LINGO2: variants seen among roughly 807,000 people sequenced by gnomAD.
LINGO2 encodes leucine rich repeat and Ig domain containing 2.
In LINGO2, 14 loss-of-function variants were observed where a neutral mutation model predicts 30.6. The observed-to-expected ratio is 0.46, with a 90% CI of 0.30 to 0.72. LINGO2 has a LOEUF of 0.72. Among genes scored for constraint, LINGO2 ranks in the 30% least tolerant of loss-of-function variants. The pLI is 0.07. For synonymous variants in LINGO2, 317 were observed against 288.5 expected (o/e 1.10, Z -1.00); for missense variants, 729 against 751.7 (o/e 0.97, Z 0.35).
At chr9:28,213,003 T>C (rs537429520) in intron 4 of LINGO2, among the ~76,000 whole-genome samples, 159 of 151,536 alleles carry the variant, frequency 1.0e-3, no homozygotes, top group Non-Finnish European at 2.1e-3. Context: ...GCAGACCAAA[T>C]ATACAGAGAA....
At chr9:28,869,534 G>A in the LINGO2 span, among the ~76,000 whole-genome samples, 1 of 151,934 alleles carries the variant, frequency 6.6e-6, no homozygotes, top group African/African-American at 2.4e-5. Context: ...GGAACTACAT[G>A]TTAAATTATG....
the LINGO2 span, among the ~76,000 whole-genome samples, chr9:28,977,043 C>T: frequency 6.6e-6 from 1 of 152,124 alleles, no homozygotes; most frequent in Non-Finnish European, 1.5e-5. Context: ...GAAAATTTTA[C>T]TAAGGTCACC....
chr9:28,204,674 T>C (rs563660551), intron 4 of LINGO2, among the ~76,000 whole-genome samples: 43 of 152,272 alleles, frequency 2.8e-4, no homozygotes, highest in African/African-American at 1.0e-3. Flanking sequence ...AGTTACTTAC[T>C]TAAAATGCAA....
chr9:28,001,949 C>T (rs1226092541), intron 5 of LINGO2, among the ~76,000 whole-genome samples: 2 of 152,190 alleles, frequency 1.3e-5, no homozygotes, highest in African/African-American at 4.8e-5. Context: ...ACTTGCCACA[C>T]CACACAGTTG....
In LINGO2 at chr9:28,610,644, A is replaced by G. The variant is rs530943510; in HGVS notation, c.-365+59556T>C. Among the ~76,000 whole-genome samples the G allele has an allele frequency of 4.7e-4, 71 of 152,336 alleles. 1 individual carries two copies. The East Asian group carries it at 0.012, about 26-fold the overall frequency. ...GATTTCAACAGACACTGAAACTGCC[A>G]GTTCCTTGATCTTAAGACTTCCCAT... On this transcript the variant is annotated intron_variant, in intron 1 of 5. Coordinates refer to ENST00000379992, the Ensembl canonical transcript of LINGO2.
At chr9:29,199,984 A>T in the LINGO2 span, among the ~76,000 whole-genome samples, 1 of 152,124 alleles carries the variant, frequency 6.6e-6, no homozygotes, top group African/African-American at 2.4e-5. Context: ...GAAAACTATC[A>T]GAATGCCTTA....
At chr9:28,940,446 G>A in the LINGO2 span, among the ~76,000 whole-genome samples, 1 of 143,160 alleles carries the variant, frequency 7.0e-6, no homozygotes, top group Non-Finnish European at 1.5e-5. Flanking sequence ...ACTTAAATGA[G>A]AGCTGTCCAT....
At chr9:28,729,692 AG>A in the LINGO2 span, among the ~76,000 whole-genome samples, 1 of 152,070 alleles carries the variant, frequency 6.6e-6, no homozygotes, top group African/African-American at 2.4e-5. Context: ...GATAAACAGA[AG>A]GAAATCAGGA....
the LINGO2 span, among the ~76,000 whole-genome samples, chr9:29,071,154 TTATTGTATTGTATTG>T: frequency 1.1e-3 from 156 of 137,776 alleles, 2 homozygotes; most frequent in East Asian, 0.025. Context: ...TCACAGAGAA[TTATTGTATTGTATTG>T]TATTGTATTG....
the LINGO2 span, among the ~76,000 whole-genome samples, chr9:29,148,333 A>T: frequency 6.6e-6 from 1 of 152,278 alleles, no homozygotes; most frequent in South Asian, 2.1e-4. Flanking sequence ...TCTGATCGCC[A>T]AAGCATTTCT....
chr9:28,449,408 C>T (rs2135062280), intron 2 of LINGO2, among the ~76,000 whole-genome samples: 1 of 152,076 alleles, frequency 6.6e-6, no homozygotes, highest in Non-Finnish European at 1.5e-5. Context: ...TGATTATGAG[C>T]AATGTTTAAA....
intron 4 of LINGO2, among the ~76,000 whole-genome samples, chr9:28,219,623 T>A (rs1230050032): frequency 6.6e-6 from 1 of 152,180 alleles, no homozygotes; most frequent in East Asian, 1.9e-4. Flanking sequence ...TTAACTTCTT[T>A]CACAAAGCTA....
intron 5 of LINGO2, among the ~76,000 whole-genome samples, chr9:27,989,069 C>G (rs1352458183): frequency 1.3e-5 from 2 of 151,922 alleles, no homozygotes; most frequent in Admixed American, 6.6e-5. Context: ...TCAGAGCAGT[C>G]AGTTCGCCCA....
chr9:28,973,281 CA>C, the LINGO2 span, among the ~76,000 whole-genome samples: 8 of 152,234 alleles, frequency 5.3e-5, no homozygotes, highest in Admixed American at 2.6e-4. Flanking sequence ...ATCCTAAAAA[CA>C]GCAAGAGAAA....
At chr9:28,868,202 C>T in the LINGO2 span, among the ~76,000 whole-genome samples, 3 of 152,054 alleles carry the variant, frequency 2.0e-5, no homozygotes, top group Non-Finnish European at 4.4e-5. Flanking sequence ...ACTTATTTGC[C>T]TTCAGCTGAA....
In LINGO2 at chr9:28,363,262, G is replaced by C. The variant is rs73645654; in HGVS notation, c.-246+9574C>G. ...CTGCTTACTCTCAGATCAATGATAA[G>C]TGAAACAGCCATGACATATACACAT... On this transcript the variant is annotated intron_variant, in intron 3 of 5. Transcript: ENST00000379992. 9.5e-3 allele frequency among the ~76,000 whole-genome samples: 1,443 copies of C among 152,274 alleles called. 19 individuals carry two copies. Among genetic ancestry groups the C allele is most frequent in the African/African-American group, 0.033 (1,355 of 41,550 alleles).
the LINGO2 span, among the ~76,000 whole-genome samples, chr9:29,091,647 G>C: frequency 6.6e-6 from 1 of 152,036 alleles, no homozygotes; most frequent in East Asian, 1.9e-4. Flanking sequence ...TACTTTACTG[G>C]AATTGGATAA....
At chr9:29,051,979 T>C in the LINGO2 span, among the ~76,000 whole-genome samples, 1 of 152,198 alleles carries the variant, frequency 6.6e-6, no homozygotes, top group African/African-American at 2.4e-5. Context: ...TGTGTGAATA[T>C]ATAATTCTAC....
intron 4 of LINGO2, among the ~76,000 whole-genome samples, chr9:28,089,270 C>T (rs1826004733): frequency 6.6e-6 from 1 of 152,210 alleles, no homozygotes; most frequent in Non-Finnish European, 1.5e-5. Flanking sequence ...ACATTCTTCT[C>T]AGCACCACAT....
Sources: allele counts gnomAD v4.1 joint callset (sites outside exome capture counted in the v4.1 genomes callset), GRCh38; gene constraint gnomAD v4.1.1; transcripts MANE v1.5; gene names NCBI Gene and HGNC (gene_info 2026-07-23, HGNC 2026-07-21).